Variants in ADA2 observed in about 807,000 individuals in gnomAD.
The protein encoded by ADA2 is adenosine deaminase 2, also known as adenosine deaminase CECR1.
Under a neutral mutation model 44.2 loss-of-function variants are expected in ADA2, and 29 were observed. The observed-to-expected ratio is 0.66, with a 90% CI of 0.49 to 0.89. The LOEUF is 0.89. ADA2 is among the 40% of genes least tolerant of loss of function. The pLI is 0.00. For synonymous variants in ADA2, 215 were observed against 234.9 expected, an observed-to-expected ratio of 0.92 and a Z score of 0.77; for missense variants, 637 against 644.8, an observed-to-expected ratio of 0.99 and a Z score of 0.13.
intron 1 of ADA2, among the ~76,000 whole-genome samples, chr22:17,211,128 G>A (rs1427467680): frequency 5.9e-5 from 9 of 152,226 alleles, no homozygotes; most frequent in Admixed American, 2.0e-4. Context: ...TCAGGAGGCC[G>A]AGGCGGGTGG....
Position 17,188,868 on chromosome 22 carries a change from A to AAAAAAAAAAAAAAAAATATATAT in ADA2, c.973-422_973-421insATATATATTTTTTTTTTTTTTTT. On this transcript the variant is annotated intron_variant, in intron 6 of 9. Coordinates refer to ENST00000399837, the MANE Select transcript of ADA2 (RefSeq NM_001282225.2). ...CACTACAGCCTGGCCAAGAGCAAAA[A>AAAAAAAAAAAAAAAAATATATAT]ATATATATATATATATATTTTGTAA... 2.5e-5 allele frequency: 2 copies of AAAAAAAAAAAAAAAAATATATAT among 81,126 alleles called. 1 individual carries two copies. Among genetic ancestry groups the AAAAAAAAAAAAAAAAATATATAT allele is most frequent in the African/African-American group, 8.4e-5 (2 of 23,734 alleles). The allele number at this position is 81,126 out of a possible 1,614,324, so 5.0% of individuals were successfully genotyped here. A position where few individuals can be genotyped will look rare whatever the true frequency, so the allele number is the denominator to read the frequency against.
Position 17,199,569 on chromosome 22 carries a change from G to A in ADA2, c.753+3994C>T, listed in dbSNP as rs2062246033. ...CCTACCAGAGCCCAGTTCCATTCCA[G>A]GGAATCCATCTCCCCTCCGGAAAAA... On this transcript the variant is annotated intron_variant, in intron 4 of 9. Coordinates refer to ENST00000399837, the MANE Select transcript of ADA2 (RefSeq NM_001282225.2). 3.1e-6 allele frequency: 5 copies of A among 1,613,772 alleles called. No individual in the cohort carries two copies. The East Asian group carries it at 1.1e-4, about 36-fold the overall frequency.
intron 4 of ADA2, among the ~76,000 whole-genome samples, chr22:17,199,981 G>A (rs2062255801): frequency 6.6e-6 from 1 of 152,154 alleles, no homozygotes. Flanking sequence ...GATCACTTGA[G>A]GTCGTGAGTT....
intron 1 of ADA2, among the ~76,000 whole-genome samples, chr22:17,211,937 GA>G (rs1051351715): frequency 8.0e-5 from 12 of 149,966 alleles, no homozygotes; most frequent in East Asian, 3.9e-4. Context: ...AAAAAAAGAG[GA>G]AAAAAAAATT....
intron 4 of ADA2, among the ~76,000 whole-genome samples, chr22:17,200,113 T>G (rs1488478628): frequency 6.6e-6 from 1 of 152,104 alleles, no homozygotes; most frequent in Non-Finnish European, 1.5e-5. Context: ...GAGAATCACT[T>G]GAATCCGGGA....
intron 4 of ADA2, among the ~76,000 whole-genome samples, chr22:17,197,376 C>T (rs1294529722): frequency 6.6e-6 from 1 of 151,954 alleles, no homozygotes; most frequent in African/African-American, 2.4e-5. Flanking sequence ...ATCCTCCCAC[C>T]TCAGCCTCTT....
At chr22:17,192,373 A>C (rs2123654606) in intron 4 of ADA2, among the ~76,000 whole-genome samples, 1 of 152,198 alleles carries the variant, frequency 6.6e-6, no homozygotes, top group East Asian at 1.9e-4. Context: ...GTGATCTGAG[A>C]ATGACGTCAT....
intron 4 of ADA2, among the ~76,000 whole-genome samples, chr22:17,203,342 AG>A (rs2062313424): frequency 6.6e-6 from 1 of 152,082 alleles, no homozygotes; most frequent in African/African-American, 2.4e-5. Context: ...CATGAGAAAC[AG>A]GGGGGCAAAG....
At chr22:17,213,357 G>A (rs188902682) in intron 1 of ADA2, among the ~76,000 whole-genome samples, 2 of 152,282 alleles carry the variant, frequency 1.3e-5, no homozygotes, top group Admixed American at 1.3e-4. Flanking sequence ...CAAAGGGAAG[G>A]AAATCAGTAT....
At chr22:17,206,416 TGCTGTGAGCCAAGATCACG>T (rs2062354355) in intron 3 of ADA2, among the ~76,000 whole-genome samples, 1 of 83,956 alleles carries the variant, frequency 1.2e-5, no homozygotes, top group African/African-American at 4.2e-5. Context: ...AAGATCAGGC[TGCTGTGAGCCAAGATCACG>T]CCACTACACT....
At chr22:17,199,427 C>CTCCTCTATCCTCTTCCCCTCCCTCCCA in intron 4 of ADA2, 1 of 991,226 alleles carries the variant, frequency 1.0e-6, no homozygotes, top group Non-Finnish European at 1.6e-6. Flanking sequence ...CCTCCCTCCC[C>CTCCTCTATCCTCTTCCCCTCCCTCCCA]TCCTCTATCC....
chr22:17,203,708 A>G lies in ADA2; in HGVS notation c.608T>C (p.Val203Ala), dbSNP rs1340031421. The change falls in exon 4 of 10, where the codon GTC becomes GCC. Residue 203 changes from valine (V) to alanine (A), a missense_variant. Transcript: ENST00000399837. Reference sequence around the variant, plus strand: ...GAAGATGGTTTCAAATTTCGACCAGACAACATTTTGGTTTGTGTAAATCAC... The same window carrying G: ...GAAGATGGTTTCAAATTTCGACCAGGCAACATTTTGGTTTGTGTAAATCAC... Reference protein sequence around the residue: ...PEVIYTNQNVVWSKFETIFFT... With the variant: ...PEVIYTNQNVAWSKFETIFFT... 5 of 1,614,182 alleles carry G rather than the reference A, an allele frequency of 3.1e-6. No homozygotes were observed. Among genetic ancestry groups the G allele is most frequent in the Non-Finnish European group, 4.2e-6 (5 of 1,180,012 alleles).
intron 7 of ADA2, 85 bp downstream of exon 7, chr22:17,188,254 G>A: frequency 1.1e-6 from 1 of 930,020 alleles, no homozygotes; most frequent in Non-Finnish European, 1.7e-6. Context: ...ACGCCTGTAG[G>A]CTCTAACCCT....
At chr22:17,185,066 A>G (rs1315566582) in intron 7 of ADA2, among the ~76,000 whole-genome samples, 6 of 147,446 alleles carry the variant, frequency 4.1e-5, no homozygotes, top group Non-Finnish European at 7.5e-5. Context: ...TATGTAGCAC[A>G]TGTGTTTTGG....
intron 4 of ADA2, among the ~76,000 whole-genome samples, chr22:17,201,203 A>G (rs1430860687): frequency 8.2e-6 from 1 of 122,474 alleles, no homozygotes; most frequent in Middle Eastern, 4.9e-3. Context: ...AAATTCTGTC[A>G]AAAAAAAAAA....
chr22:17,199,446 T>TCCCACCCCTCCACTATCCACTTCCCCA, intron 4 of ADA2: 1 of 917,622 alleles, frequency 1.1e-6, no homozygotes, highest in Non-Finnish European at 1.7e-6. Context: ...CCTCTTCCCC[T>TCCCACCCCTCCACTATCCACTTCCCCA]CCACCCACGA....
chr22:17,200,882 C>CAAAAAA (rs3078427), intron 4 of ADA2, among the ~76,000 whole-genome samples: 17 of 119,292 alleles, frequency 1.4e-4, no homozygotes, highest in African/African-American at 2.1e-4. Flanking sequence ...AACTCTGCCT[C>CAAAAAA]AAAAAAAAAA....
rs1231735870 is a variant in ADA2 at position 17,207,511 on chromosome 22, C to T, written c.323-221G>A. On this transcript the variant is annotated intron_variant, in intron 2 of 9. Transcript: ENST00000399837. ...GGGGACAGTGTGGATCACAAGAAGACGTGCAAGCAGAAGGATTTCTGTCCA... is the reference window on the plus strand; with the variant it reads ...GGGGACAGTGTGGATCACAAGAAGATGTGCAAGCAGAAGGATTTCTGTCCA... Among the ~76,000 whole-genome samples, 8 of 152,066 alleles carry T rather than the reference C, an allele frequency of 5.3e-5. No homozygotes were observed. In the East Asian group the frequency reaches 5.8e-4, roughly 11 times the overall value.
In ADA2 at chr22:17,179,308, C is replaced by G. The variant is rs1047285218; in HGVS notation, c.*2175G>C. The stretch of plus-strand genomic sequence containing the variant: ...ACAGACACAGTGACAGCCACTCATT[C>G]AATGCATTGTTTATTGAGTACTAAC... On this transcript the variant is annotated 3_prime_UTR_variant, in exon 10 of 10. Transcript: ENST00000399837. 2 of 152,284 alleles carry G rather than the reference C, an allele frequency of 1.3e-5. No individual in the cohort carries two copies. The highest frequency in any genetic ancestry group is 2.9e-5 in the Non-Finnish European group (2 of 68,070). 9.4% of individuals were successfully genotyped at this position (152,284 alleles called of 1,614,324 possible). A position where few individuals can be genotyped will look rare whatever the true frequency, so the allele number is the denominator to read the frequency against.
Sources: allele counts gnomAD v4.1 joint callset (sites outside exome capture counted in the v4.1 genomes callset), GRCh38; gene constraint gnomAD v4.1.1; transcripts MANE v1.5; gene names NCBI Gene and HGNC (gene_info 2026-07-23, HGNC 2026-07-21).